ATP12A: variants seen among roughly 807,000 people sequenced by gnomAD.
ATP12A encodes potassium-transporting ATPase alpha chain 2.
A neutral mutation model predicts 111.2 loss-of-function variants in ATP12A; 81 were observed. The ratio of observed to expected loss-of-function variants is 0.73; its 90% CI spans 0.61 to 0.88. The LOEUF is 0.88. Among genes scored for constraint, ATP12A ranks in the 40% least tolerant of loss-of-function variants. ATP12A has a pLI of 0.00. For missense variants in ATP12A, 1,196 were observed against 1,313.1 expected (o/e 0.91, Z 1.38); for synonymous variants, 498 against 499.8 (o/e 1.00, Z 0.05).
At position 24,689,053 on chromosome 13, in the gene ATP12A, A is replaced by C. The variant is rs566757494; in HGVS notation, c.433-209A>C. Reference sequence around the variant, plus strand: ...CTCCAGGCAGGATGGAGATGCTCTGAGGCTGCGGTGGAGGGTGGTGTCATG... The same window carrying C: ...CTCCAGGCAGGATGGAGATGCTCTGCGGCTGCGGTGGAGGGTGGTGTCATG... On this transcript the variant is annotated intron_variant, in intron 4 of 22. Transcript: ENST00000381946. 1.2e-3 allele frequency among the ~76,000 whole-genome samples: 183 copies of C among 152,086 alleles called. 3 individuals are homozygous for C. The highest frequency in any genetic ancestry group is 9.4e-3 in the South Asian group (45 of 4,796).
chr13:24,704,051 G>A (rs1170192714), intron 14 of ATP12A, among the ~76,000 whole-genome samples: 1 of 151,404 alleles, frequency 6.6e-6, no homozygotes, highest in Non-Finnish European at 1.5e-5. Context: ...GCTGGAGTGT[G>A]GAGTGCAGTG....
chr13:24,681,541 G>A lies in ATP12A; in HGVS notation c.10-21G>A, dbSNP rs758246762. On this transcript the variant is annotated intron_variant, in intron 1 of 22. Transcript: ENST00000381946. ...GGAAACCCCATTTGGGGCCAATATT[G>A]CACCTGGGCTTCTCTTTCAGAAAAC... The A allele has an allele frequency of 5.6e-6, 9 of 1,607,214 alleles. No individual in the cohort carries two copies. In the South Asian group the frequency reaches 8.9e-5, roughly 16 times the overall value.
At chr13:24,706,902 T>C in intron 15 of ATP12A, 121 bp from the exon 16 acceptor site, 1 of 1,138,992 alleles carries the variant, frequency 8.8e-7, no homozygotes, top group East Asian at 2.5e-5. Flanking sequence ...AAATGGGCCT[T>C]TCCGTTCAGC....
At chr13:24,709,949 C>T in intron 19 of ATP12A, 121 bp downstream of exon 19, 1 of 1,407,702 alleles carries the variant, frequency 7.1e-7, no homozygotes, top group Non-Finnish European at 9.6e-7. Flanking sequence ...ATTAATAGGG[C>T]TCAGGGCCCC....
chr13:24,708,897 A>AAAGG (rs1875796800), intron 17 of ATP12A, among the ~76,000 whole-genome samples: 2 of 121,970 alleles, frequency 1.6e-5, no homozygotes, highest in African/African-American at 6.4e-5. Context: ...AGAAAGAAAG[A>AAAGG]AAGGAAAGAA....
At chr13:24,687,905 C>T (rs545801230) in intron 3 of ATP12A, among the ~76,000 whole-genome samples, 4 of 152,130 alleles carry the variant, frequency 2.6e-5, no homozygotes, top group Admixed American at 1.3e-4. Context: ...AACTAAAACC[C>T]CTTAGCAGAG....
chr13:24,710,339 T>G, intron 19 of ATP12A, 121 bp from the exon 20 acceptor site: 3 of 1,175,196 alleles, frequency 2.6e-6, no homozygotes, highest in Non-Finnish European at 3.6e-6. Context: ...CACTAGAAGG[T>G]GGTCCATTCT....
chr13:24,710,499 A>G lies in ATP12A; in HGVS notation c.2803A>G (p.Thr935Ala), dbSNP rs533596060. 3.6e-5 allele frequency: 58 copies of G among 1,614,210 alleles called. No individual in the cohort carries two copies. In the South Asian group the frequency reaches 3.7e-4, roughly 10 times the overall value. The change falls in exon 20 of 23, where the codon ACG becomes GCG. Residue 935 changes from threonine (T) to alanine (A), a missense_variant. Transcript: ENST00000381946. Reference sequence around the variant, plus strand: ...GGAATACCTAGAATGGACGGGCTACACGGCTTTCTTTGTTGGCATCCTAGT... The same window carrying G: ...GGAATACCTAGAATGGACGGGCTACGCGGCTTTCTTTGTTGGCATCCTAGT... ...QREYLEWTGY[T>A]AFFVGILVQQ...
chr13:24,711,311 CT>C lies in ATP12A; in HGVS notation c.3000-5del. On this transcript the variant is annotated splice_polypyrimidine_tract_variant and splice_region_variant and intron_variant, in intron 21 of 22. Transcript: ENST00000381946. Reference sequence around the variant, plus strand: ...TCAGGGTTCACTTTCCATCCCTTTGCTTCCAGGGCTCAGTACTGGTTTGTGG... The same window carrying C: ...TCAGGGTTCACTTTCCATCCCTTTGCTCCAGGGCTCAGTACTGGTTTGTGG... 1 of 1,591,650 alleles carries C rather than the reference CT, an allele frequency of 6.3e-7. No homozygotes were observed. The highest frequency in any genetic ancestry group is 8.6e-7 in the Non-Finnish European group (1 of 1,167,542).
At position 24,692,536 on chromosome 13, in the gene ATP12A, G is replaced by A; in HGVS notation, c.1176G>A (p.Lys392=). ...LGSTSIICSD[K]TGTLTQNRMT... ...CCACCTCCATCATCTGCTCGGACAA[G>A]ACTGGGACACTGACCCAGAACAGGA... The change falls in exon 9 of 23, where the codon AAG becomes AAA. Residue 392 remains lysine, a synonymous_variant. Coordinates refer to ENST00000381946, the MANE Select transcript of ATP12A (RefSeq NM_001676.7). The A allele has an allele frequency of 6.2e-7, 1 of 1,614,202 alleles. No homozygotes were observed. Among genetic ancestry groups the A allele is most frequent in the South Asian group, 1.1e-5 (1 of 91,074 alleles).
chr13:24,708,909 GAAA>G (rs1875801281), intron 17 of ATP12A, among the ~76,000 whole-genome samples: 3 of 92,200 alleles, frequency 3.3e-5, no homozygotes, highest in Admixed American at 1.1e-4. Flanking sequence ...AGGAAAGAAA[GAAA>G]GAAAGAAAGA....
At chr13:24,705,982 C>G (rs1875612882) in intron 14 of ATP12A, among the ~76,000 whole-genome samples, 1 of 152,142 alleles carries the variant, frequency 6.6e-6, no homozygotes, top group Non-Finnish European at 1.5e-5. Context: ...CATGAATGGG[C>G]AGTTTTTTAA....
At position 24,681,642 on chromosome 13, in the gene ATP12A, G is replaced by C. The variant is rs752654475; in HGVS notation, c.90G>C (p.Lys30Asn). ...CAGACAAGGGGGATGGCAAGGAGAA[G>C]TATAGGGGTCTGAAGAACAACTGCC... ...VKTDKGDGKE[K>N]YRGLKNNCLE... The change falls in exon 2 of 23, where the codon AAG (lysine) becomes AAC (asparagine). Residue 30 changes from lysine (K) to asparagine (N), a missense_variant. Lys to Asn is a moderately conservative substitution (Grantham distance 94). Around this residue, in one of 3 missense-constraint regions of ATP12A, gnomAD observed 67 missense variants for 64.0 expected, o/e 1.05. Coordinates refer to ENST00000381946, the MANE Select transcript of ATP12A (RefSeq NM_001676.7). 9.3e-6 allele frequency: 15 copies of C among 1,614,118 alleles called. 1 individual carries two copies. The Admixed American group carries it at 1.0e-4, about 11-fold the overall frequency.
chr13:24,706,736 G>T (rs1217003985), intron 15 of ATP12A, among the ~76,000 whole-genome samples: 1 of 152,192 alleles, frequency 6.6e-6, no homozygotes, highest in Admixed American at 6.5e-5. Context: ...TGGTAGTTGT[G>T]AGTAAAGAGA....
intron 11 of ATP12A, 132 bp from the exon 12 acceptor site, chr13:24,698,526 A>G: frequency 2.9e-6 from 3 of 1,048,720 alleles, no homozygotes; most frequent in Non-Finnish European, 4.0e-6. Flanking sequence ...ACTTGGCCAC[A>G]GAAAGAAAAA....
At position 24,701,874 on chromosome 13, in the gene ATP12A, C is replaced by T. The variant is rs1400191947; in HGVS notation, c.1882-61C>T. On this transcript the variant is annotated intron_variant, in intron 13 of 22. Transcript: ENST00000381946. ...TACAGAGTAGGTATTACTGAACCAT[C>T]CCCACTTTGGCCAACCGAGTTCTTC... The T allele has an allele frequency of 7.5e-6, 12 of 1,608,058 alleles. No individual in the cohort carries two copies. The East Asian group carries it at 2.5e-4, about 33-fold the overall frequency.
chr13:24,690,867 C>A, intron 7 of ATP12A, 115 bp from the exon 8 acceptor site: 1 of 1,488,090 alleles, frequency 6.7e-7, no homozygotes, highest in Non-Finnish European at 9.2e-7. Flanking sequence ...CGATGCTTGG[C>A]CTTGGGAATG....
chr13:24,707,220 G>A (rs1875706094), intron 16 of ATP12A, 29 bp downstream of exon 16: 1 of 1,613,028 alleles, frequency 6.2e-7, no homozygotes, highest in Admixed American at 1.7e-5. Context: ...GTCTTCCCAA[G>A]GGCCAGGGTG....
At chr13:24,683,434 G>A (rs1005816938) in intron 2 of ATP12A, among the ~76,000 whole-genome samples, 8 of 152,200 alleles carry the variant, frequency 5.3e-5, no homozygotes, top group Non-Finnish European at 8.8e-5. Flanking sequence ...TTGTGCTAGA[G>A]AGCCATTTGT....
Sources: allele counts gnomAD v4.1 joint callset (sites outside exome capture counted in the v4.1 genomes callset), GRCh38; gene constraint gnomAD v4.1.1; regional missense constraint gnomAD v4.1.1; transcripts MANE v1.5; gene names NCBI Gene and HGNC (gene_info 2026-07-23, HGNC 2026-07-21).